The following RBM4 variants were observed in gnomAD, a reference collection of about 807,000 sequenced individuals.
RBM4 encodes RNA-binding protein 4.
In RBM4, 7 loss-of-function variants were observed where a neutral mutation model predicts 29.5. The observed-to-expected ratio is 0.24, with a 90% CI of 0.14 to 0.45. The LOEUF (loss-of-function observed/expected upper bound fraction) is 0.45. Ranked by LOEUF, RBM4 falls within the 20% of genes least tolerant of loss-of-function variation. The pLI is 1.00. For synonymous variants in RBM4, 220 were observed against 205.4 expected, an observed-to-expected ratio of 1.07 and a Z score of -0.61; for missense variants, 387 against 502.3, an observed-to-expected ratio of 0.77 and a Z score of 2.19.
At chr11:66,658,100 CTCAGTG>C (rs2135087390) in intron 2 of RBM4, among the ~76,000 whole-genome samples, 2 of 151,850 alleles carry the variant, frequency 1.3e-5, no homozygotes, top group South Asian at 4.2e-4. Context: ...ACGATCTCGG[CTCAGTG>C]CAACCTCTGC....
Position 66,644,142 on chromosome 11 carries a change from TGA to T in RBM4, c.*8+6_*8+7del, listed in dbSNP as rs1406558663. 16 of 1,606,364 alleles carry T rather than the reference TGA, an allele frequency of 1.0e-5. No homozygotes were observed. Among genetic ancestry groups the T allele is most frequent in the African/African-American group, 5.3e-5 (4 of 74,790 alleles). ...GTACTCAGCCTTTTAAAGCTTGAGG[TGA>T]GAGGGGTGGGGTGTTCCCTCTTCTG... On this transcript the variant is annotated splice_donor_region_variant and intron_variant, in intron 3 of 3. Transcript: ENST00000310092.
chr11:66,641,998 T>C (rs909233878), intron 2 of RBM4, among the ~76,000 whole-genome samples: 2 of 152,242 alleles, frequency 1.3e-5, no homozygotes, highest in East Asian at 3.8e-4. Flanking sequence ...GCACTTGTTT[T>C]CTCTGGTTTT....
chr11:66,639,598 A>G (rs1191514344), intron 1 of RBM4, 102 bp from the exon 2 acceptor site: 3 of 1,413,842 alleles, frequency 2.1e-6, no homozygotes, highest in Non-Finnish European at 2.9e-6. Flanking sequence ...CAGGCGTGTG[A>G]GAGAGAAAAC....
Position 66,646,116 on chromosome 11 carries a change from C to G in RBM4, c.*98C>G. The stretch of plus-strand genomic sequence containing the variant: ...CCCCATCTCCGGGACGTTCTCGGCT[C>G]TGTGCGTTCAGTCCCTCAGGAACCG... On this transcript the variant is annotated 3_prime_UTR_variant, in exon 4 of 4. Transcript: ENST00000310092. The G allele has an allele frequency of 6.5e-7, 1 of 1,534,894 alleles. No individual in the cohort carries two copies. The highest frequency in any genetic ancestry group is 8.7e-7 in the Non-Finnish European group (1 of 1,146,738).
At chr11:66,664,128 CTT>C (rs1462753940) in intron 2 of RBM4, among the ~76,000 whole-genome samples, 1 of 150,096 alleles carries the variant, frequency 6.7e-6, no homozygotes, top group East Asian at 2.0e-4. Flanking sequence ...ACTTCAGCCT[CTT>C]GAGTAGCTGA....
At chr11:66,641,443 T>G (rs1467366218) in intron 2 of RBM4, among the ~76,000 whole-genome samples, 1 of 152,196 alleles carries the variant, frequency 6.6e-6, no homozygotes, top group African/African-American at 2.4e-5. Flanking sequence ...TAGTTTGCTT[T>G]CTTTTTTTTA....
At chr11:66,663,702 AT>A (rs1280326713) in intron 2 of RBM4, among the ~76,000 whole-genome samples, 3 of 148,410 alleles carry the variant, frequency 2.0e-5, no homozygotes, top group Non-Finnish European at 4.5e-5. Flanking sequence ...GTGTGTGTAT[AT>A]GTGTGTGTGT....
At chr11:66,659,939 T>C (rs17582367) in intron 2 of RBM4, among the ~76,000 whole-genome samples, 5,545 of 151,042 alleles carry the variant, frequency 0.037, 151 homozygotes, top group Middle Eastern at 0.092. Context: ...GTTTCTTTCG[T>C]TACTTAGAAC....
At chr11:66,645,537 C>T (rs1938653686) in intron 3 of RBM4, among the ~76,000 whole-genome samples, 2 of 152,252 alleles carry the variant, frequency 1.3e-5, no homozygotes, top group South Asian at 4.2e-4. Context: ...AATTGGATGT[C>T]CTCAGGTCTT....
intron 2 of RBM4, among the ~76,000 whole-genome samples, chr11:66,660,005 C>T (rs188910947): frequency 3.4e-4 from 52 of 152,280 alleles, no homozygotes; most frequent in African/African-American, 1.3e-3. Flanking sequence ...TTAGTTTGAA[C>T]GTGCCTTTCC....
At chr11:66,665,533 C>T (rs1939192212) in intron 2 of RBM4, 2 of 1,470,946 alleles carry the variant, frequency 1.4e-6, no homozygotes, top group Non-Finnish European at 1.8e-6. Flanking sequence ...GGAGCAAGTT[C>T]TCATATATGA....
downstream of RBM4, among the ~76,000 whole-genome samples, chr11:66,648,048 T>C (rs555606382): frequency 1.3e-5 from 2 of 151,912 alleles, no homozygotes; most frequent in South Asian, 4.2e-4. Context: ...CTACTAAAAA[T>C]ACAAAAAATT....
At chr11:66,665,737 C>T in intron 2 of RBM4, 1 of 1,331,994 alleles carries the variant, frequency 7.5e-7, no homozygotes, top group South Asian at 1.4e-5. Context: ...ATGTAATTAC[C>T]TAGGAGTCTA....
intron 3 of RBM4, 159 bp downstream of exon 3, chr11:66,644,299 T>A: frequency 9.7e-7 from 1 of 1,025,784 alleles, no homozygotes; most frequent in African/African-American, 1.6e-5. Flanking sequence ...ACTGCTTAAC[T>A]TTAAAATACA....
downstream of RBM4, among the ~76,000 whole-genome samples, chr11:66,647,012 C>G (rs370084557): frequency 2.0e-5 from 3 of 152,340 alleles, no homozygotes; most frequent in African/African-American, 7.2e-5. Context: ...CACCTCATTA[C>G]TTGGGTTTAC....
At position 66,644,013 on chromosome 11, in the gene RBM4, G is replaced by A. The variant is rs1193145315; in HGVS notation, c.976G>A (p.Gly326Ser). 5.6e-6 allele frequency: 9 copies of A among 1,613,568 alleles called. No individual in the cohort carries two copies. The highest frequency in any genetic ancestry group is 1.3e-5 in the African/African-American group (1 of 74,910). Residue 326 changes from glycine (G) to serine (S), a missense_variant, in exon 3 of 4, where the codon GGT becomes AGT. Gly to Ser is a moderately conservative substitution (Grantham distance 56). Coordinates refer to ENST00000310092, the MANE Select transcript of RBM4 (RefSeq NM_002896.4). ...APVPTVGEGYGYGHESELSQA... is the reference protein window; with the variant it reads ...APVPTVGEGYSYGHESELSQA... Reference sequence around the variant, plus strand: ...AGTCCCCACTGTTGGAGAGGGCTACGGTTACGGGCATGAGAGTGAGTTGTC... The same window carrying A: ...AGTCCCCACTGTTGGAGAGGGCTACAGTTACGGGCATGAGAGTGAGTTGTC...
chr11:66,644,621 C>T lies in RBM4; in HGVS notation c.*8+481C>T. ...AAGTCCATAACTGTAGTTAACTGGT[C>T]ATCACTGCTCAGGTCCCAGTTACTA... On this transcript the variant is annotated intron_variant, in intron 3 of 3. Coordinates refer to ENST00000310092, the MANE Select transcript of RBM4 (RefSeq NM_002896.4). 4 of 903,100 alleles carry T rather than the reference C, an allele frequency of 4.4e-6. 1 individual carries two copies. In the South Asian group the frequency reaches 2.0e-4, roughly 45 times the overall value. The allele number at this position is 903,100 out of a possible 1,614,324, so 55.9% of individuals were successfully genotyped here.
chr11:66,645,640 A>T lies in RBM4; in HGVS notation c.*9-387A>T, dbSNP rs1938658038. Among the ~76,000 whole-genome samples the T allele has an allele frequency of 1.3e-5, 2 of 148,424 alleles. 1 individual carries two copies. Among genetic ancestry groups the T allele is most frequent in the South Asian group, 4.2e-4 (2 of 4,724 alleles). Reference sequence around the variant, plus strand: ...AACTCCTAGATAGAAAATACTGTTAATTTTTTTTTTTTAAACCTCAGGGAG... The same window carrying T: ...AACTCCTAGATAGAAAATACTGTTATTTTTTTTTTTTTAAACCTCAGGGAG... On this transcript the variant is annotated intron_variant, in intron 3 of 3. Transcript: ENST00000310092.
rs780693360 is a variant in RBM4, at chr11:66,643,904, A to C, written c.867A>C (p.Ala289=). ...GAGCTGCTGCCACAGCTGCTGCTGCAGCAGCAGCCGCTGCTGCTGTTACTG... is the reference window on the plus strand; with the variant it reads ...GAGCTGCTGCCACAGCTGCTGCTGCCGCAGCAGCCGCTGCTGCTGTTACTG... The part of the protein sequence containing the change: ...TSGAAATAAA[A]AAAAAAVTAA... Residue 289 remains alanine, a synonymous_variant, in exon 3 of 4, where the codon GCA becomes GCC. Coordinates refer to ENST00000310092, the MANE Select transcript of RBM4 (RefSeq NM_002896.4). This position sits in a 1 kb window ranked among gnomAD's most constrained non-coding sequence, Gnocchi z 6.1. 2.5e-6 allele frequency: 4 copies of C among 1,608,746 alleles called. No homozygotes were observed. In the Admixed American group the frequency reaches 5.1e-5, roughly 20 times the overall value.
Sources: gnomAD v4.1 joint callset for allele counts (sites outside exome capture counted in the v4.1 genomes callset) on GRCh38, gnomAD v4.1.1 for gene constraint, Gnocchi (gnomAD v3.1) non-coding constraint, MANE v1.5 for transcripts, NCBI Gene and HGNC (gene_info 2026-07-23, HGNC 2026-07-21) for gene names.